FHL2: variants seen among roughly 807,000 people sequenced by gnomAD.
FHL2 encodes the protein four and a half LIM domains 2.
A neutral mutation model predicts 32.7 loss-of-function variants in FHL2; 20 were observed. The ratio of observed to expected loss-of-function variants is 0.61; its 90% CI spans 0.43 to 0.89. FHL2 has a LOEUF of 0.89. FHL2 is among the 40% of genes least tolerant of loss of function. FHL2 has a pLI of 0.00. For missense variants in FHL2, 311 were observed against 358.6 expected (o/e 0.87, Z 1.07); for synonymous variants, 123 against 128.1 (o/e 0.96, Z 0.27).
At chr2:105,377,713 T>G in intron 3 of FHL2, 1 of 219,836 alleles carries the variant, frequency 4.5e-6, no homozygotes, top group South Asian at 6.8e-5. Context: ...TGTCCCCCTG[T>G]GCAGGCGAGC....
intron 1 of FHL2, chr2:105,438,307 A>C: frequency 1.1e-6 from 1 of 948,492 alleles, no homozygotes. Context: ...CTCCCTCTGC[A>C]TGCAACAAGA....
chr2:105,364,112 G>T (rs1006264276), intron 5 of FHL2, among the ~76,000 whole-genome samples: 9 of 152,084 alleles, frequency 5.9e-5, no homozygotes, highest in African/African-American at 2.2e-4. Context: ...CAAAAAATTA[G>T]CTGAGTGTGG....
At chr2:105,369,266 C>T (rs1423165505) in intron 4 of FHL2, among the ~76,000 whole-genome samples, 1 of 152,162 alleles carries the variant, frequency 6.6e-6, no homozygotes, top group African/African-American at 2.4e-5. Context: ...ACACAGGTGG[C>T]TTATAGGAGT....
In FHL2 at chr2:105,404,735, TTTC is replaced by T. The variant is rs1224674875; in HGVS notation, c.-24-18198_-24-18196del. On this transcript the variant is annotated intron_variant, in intron 1 of 5. Transcript: ENST00000393352. ...TCCACAAAGGGCAAGCTCTTTTCCT[TTTC>T]TTCTCCCTTCTGCCATGCTCTGGTT... Among the ~76,000 whole-genome samples the T allele has an allele frequency of 8.5e-5, 13 of 152,310 alleles. No individual in the cohort carries two copies. In the East Asian group the frequency reaches 2.5e-3, roughly 29 times the overall value.
At chr2:105,423,807 A>G (rs1684177585) in intron 1 of FHL2, among the ~76,000 whole-genome samples, 1 of 152,222 alleles carries the variant, frequency 6.6e-6, no homozygotes, top group Admixed American at 6.5e-5. Flanking sequence ...TGGTGTTGGG[A>G]AAACTGGCTA....
intron 1 of FHL2, among the ~76,000 whole-genome samples, chr2:105,411,894 G>A (rs1177151263): frequency 2.0e-5 from 3 of 151,922 alleles, no homozygotes; most frequent in Non-Finnish European, 4.4e-5. Flanking sequence ...GGAAACTATT[G>A]AGCAGAAACT....
upstream of FHL2, chr2:105,399,573 G>T (rs886441386): frequency 2.0e-6 from 3 of 1,535,456 alleles, no homozygotes; most frequent in Non-Finnish European, 2.6e-6. Context: ...ACTACGGAGG[G>T]GACTAAAGGA....
intron 2 of FHL2, among the ~76,000 whole-genome samples, chr2:105,393,222 C>G (rs1384271423): frequency 6.6e-6 from 1 of 152,122 alleles, no homozygotes; most frequent in Non-Finnish European, 1.5e-5. Flanking sequence ...TTCTCCTCCC[C>G]CTTTGAAACC....
chr2:105,435,667 C>T (rs1041217349), intron 1 of FHL2, among the ~76,000 whole-genome samples: 1 of 151,974 alleles, frequency 6.6e-6, no homozygotes, highest in Admixed American at 6.6e-5. Flanking sequence ...ACTAAAAAAA[C>T]AAAAATTAGC....
At chr2:105,399,375 C>T (rs914993697), upstream of FHL2, 1 of 1,536,008 alleles carries the variant, frequency 6.5e-7, no homozygotes, top group African/African-American at 1.4e-5. Flanking sequence ...GGATCTCTGC[C>T]TGGTCCCAGG....
intron 3 of FHL2, among the ~76,000 whole-genome samples, chr2:105,380,287 G>A (rs1420578500): frequency 7.2e-5 from 11 of 152,102 alleles, no homozygotes; most frequent in Non-Finnish European, 1.5e-5. Context: ...GATTAGACCC[G>A]GGTGCCTGAG....
At chr2:105,429,411 T>C (rs7597695) in intron 1 of FHL2, among the ~76,000 whole-genome samples, 2,979 of 152,226 alleles carry the variant, frequency 0.02, 95 homozygotes, top group African/African-American at 0.065. Context: ...CATCCCCCAA[T>C]GTAATCACCA....
chr2:105,361,381 A>G lies in FHL2; in HGVS notation c.742T>C (p.Cys248Arg), dbSNP rs2104477768. The G allele has an allele frequency of 6.2e-7, 1 of 1,614,212 alleles. No individual in the cohort carries two copies. Among genetic ancestry groups the G allele is most frequent in the Non-Finnish European group, 8.5e-7 (1 of 1,180,006 alleles). ...AGGGAGCACTTCTTACAGTTAAAGC[A>G]GTCGTTATGCCACTGCCGTTCCTCA... ...SFEERQWHND[C>R]FNCKKCSLSL... is the part of the protein sequence containing the mutation. The change falls in exon 7 of 7, where the codon TGC becomes CGC. Residue 248 changes from cysteine (C) to arginine (R), a missense_variant. Coordinates refer to ENST00000530340, the MANE Select transcript of FHL2 (RefSeq NM_001318895.3).
intron 1 of FHL2, chr2:105,397,098 A>G (rs1683191704): frequency 6.1e-6 from 1 of 164,596 alleles, no homozygotes; most frequent in African/African-American, 2.5e-5. Context: ...ATGGTTTAAC[A>G]CGCAATCTTG....
chr2:105,361,764 A>G (rs945491913), intron 6 of FHL2, among the ~76,000 whole-genome samples: 2 of 152,240 alleles, frequency 1.3e-5, no homozygotes, highest in African/African-American at 4.8e-5. Flanking sequence ...TTATGTCTTC[A>G]CTAGGTGCCT....
intron 3 of FHL2, among the ~76,000 whole-genome samples, chr2:105,380,668 C>T (rs982707114): frequency 1.3e-5 from 2 of 152,060 alleles, no homozygotes; most frequent in Non-Finnish European, 2.9e-5. Context: ...GATAGCACTT[C>T]GATGCTGAGA....
At chr2:105,401,167 G>T (rs1409796308), upstream of FHL2, among the ~76,000 whole-genome samples, 1 of 151,298 alleles carries the variant, frequency 6.6e-6, no homozygotes, top group Admixed American at 6.6e-5. Flanking sequence ...ACACTGACAG[G>T]ATATTTTCTA....
intron 2 of FHL2, 24 bp from the exon 3 acceptor site, chr2:105,386,564 A>T: frequency 6.2e-7 from 1 of 1,610,440 alleles, no homozygotes; most frequent in Non-Finnish European, 8.5e-7. Flanking sequence ...AAGAAAATCC[A>T]AGTCCCATTA....
chr2:105,364,383 G>A (rs1160096139), intron 5 of FHL2, among the ~76,000 whole-genome samples: 1 of 152,248 alleles, frequency 6.6e-6, no homozygotes, highest in East Asian at 1.9e-4. Context: ...GCCGGGACTA[G>A]CACCTGCTGA....
Sources: gnomAD v4.1 joint callset for allele counts (sites outside exome capture counted in the v4.1 genomes callset) on GRCh38, gnomAD v4.1.1 for gene constraint, MANE v1.5 for transcripts, NCBI Gene and HGNC (gene_info 2026-07-23, HGNC 2026-07-21) for gene names.